The following MAMDC4 variants were observed in gnomAD, a reference collection of about 807,000 sequenced individuals.
MAMDC4 encodes MAM domain containing 4.
Under a neutral mutation model 153.3 loss-of-function variants are expected in MAMDC4, and 168 were observed. That is an observed-to-expected ratio of 1.10 (90% CI 0.97 to 1.25). The LOEUF (loss-of-function observed/expected upper bound fraction) is 1.25, where lower values mean the gene tolerates loss of function less well. Among genes scored for constraint, MAMDC4 ranks in the 50% most tolerant of loss-of-function variants. MAMDC4 has a pLI of 0.00. For synonymous variants in MAMDC4, 744 were observed against 651.5 expected (o/e 1.14, Z -2.16); for missense variants, 1,701 against 1,542.8 (o/e 1.10, Z -1.72).
In MAMDC4 at chr9:136,854,252, A is replaced by G; in HGVS notation, c.712A>G (p.Asn238Asp). Residue 238 changes from asparagine to aspartate, a missense_variant, in exon 7 of 27, where the codon AAC (asparagine) becomes GAC (aspartate). Coordinates refer to ENST00000317446, the MANE Select transcript of MAMDC4 (RefSeq NM_206920.3). ...NCPPGHHHCQNKVCVEPQQLC... is the reference protein window; with the variant it reads ...NCPPGHHHCQDKVCVEPQQLC... ...TCCCCCGGGACACCACCACTGCCAG[A>G]ACAAGGTCTGCGTGGAGCCCCAGCA... The G allele has an allele frequency of 6.2e-7, 1 of 1,611,848 alleles. No individual in the cohort carries two copies. Among genetic ancestry groups the G allele is most frequent in the Non-Finnish European group, 8.5e-7 (1 of 1,179,636 alleles).
chr9:136,856,173 C>T, intron 14 of MAMDC4, 24 bp downstream of exon 14: 6 of 1,611,544 alleles, frequency 3.7e-6, no homozygotes, highest in Non-Finnish European at 5.1e-6. Context: ...CCGCAAGTTC[C>T]CTGGCCAGCC....
chr9:136,857,034 CCA>C lies in MAMDC4; in HGVS notation c.1966_1967del (p.Gln656AspfsTer76). The C allele has an allele frequency of 6.2e-7, 1 of 1,611,038 alleles. No individual in the cohort carries two copies. The highest frequency in any genetic ancestry group is 8.5e-7 in the Non-Finnish European group (1 of 1,178,836). Reference sequence around the variant, plus strand: ...GCTTCTGGTACCACCTCCATGGGCCCCAGATTGGTGAGTGGACCTGGAAACAG... The same window carrying C: ...GCTTCTGGTACCACCTCCATGGGCCCGATTGGTGAGTGGACCTGGAAACAG... ...LSFWYHLHGPQIGTLRLAMRR... is the reference protein window; with the variant it reads ...LSFWYHLHGPXIGTLRLAMRR... On this transcript the variant is annotated frameshift_variant, in exon 16 of 27. Transcript: ENST00000317446. LOFTEE classifies it high-confidence loss of function.
chr9:136,853,398 G>A lies in MAMDC4; in HGVS notation c.268G>A (p.Ala90Thr). Residue 90 changes from alanine (A) to threonine (T), a missense_variant, in exon 3 of 27, where the codon GCA becomes ACA. Physicochemically the swap from Ala to Thr is moderately conservative, Grantham distance 58. Coordinates refer to ENST00000317446, the MANE Select transcript of MAMDC4 (RefSeq NM_206920.3). Reference protein sequence around the residue: ...TSGYSWLRDRAGAALEGPGPH... With the variant: ...TSGYSWLRDRTGAALEGPGPH... ...AGGCTACAGCTGGCTCCGAGACAGGGCAGGGGCCGCACTGGAGGGTCCTGG... is the reference window on the plus strand; with the variant it reads ...AGGCTACAGCTGGCTCCGAGACAGGACAGGGGCCGCACTGGAGGGTCCTGG... 1.9e-6 allele frequency: 3 copies of A among 1,605,080 alleles called. No homozygotes were observed. Among genetic ancestry groups the A allele is most frequent in the Non-Finnish European group, 2.6e-6 (3 of 1,174,128 alleles).
chr9:136,854,460 AG>A, intron 7 of MAMDC4, 78 bp from the exon 8 acceptor site: 2 of 1,528,338 alleles, frequency 1.3e-6, no homozygotes, highest in Non-Finnish European at 1.8e-6. Context: ...TGTGGTTGCC[AG>A]GGCCCCCCTG....
rs752104423 is a variant in MAMDC4 at position 136,857,405 on chromosome 9, C to T, written c.2145C>T (p.Thr715=). The T allele has an allele frequency of 6.2e-7, 1 of 1,608,268 alleles. No individual in the cohort carries two copies. The highest frequency in any genetic ancestry group is 2.2e-5 in the East Asian group (1 of 44,872). ...FEGLRDGYHG[T]MALDDVAVRP... is the part of the protein sequence containing the mutation. ...GCCTCCGGGACGGATACCACGGCAC[C>T]ATGGCGCTGGACGATGTGGCCGTGC... Residue 715 remains threonine, a synonymous_variant, in exon 18 of 27, where the codon ACC becomes ACT. Transcript: ENST00000317446.
In MAMDC4 at chr9:136,853,117, G is replaced by C. The variant is rs1446341739; in HGVS notation, c.62G>C (p.Trp21Ser). 4 of 1,612,472 alleles carry C rather than the reference G, an allele frequency of 2.5e-6. No individual in the cohort carries two copies. The South Asian group carries it at 4.4e-5, about 18-fold the overall frequency. The change falls in exon 2 of 27, where the codon TGG becomes TCG. Residue 21 changes from tryptophan to serine, a missense_variant. Trp to Ser is a radical substitution (Grantham distance 177). Transcript: ENST00000317446. ...LVLFLAGSSG[W>S]AWVPNHCRSP... ...CTCCCAGCAGCAGGGTCCTCAGGCT[G>C]GGCCTGGGTCCCCAACCACTGCAGG...
At chr9:136,857,629 G>A in intron 18 of MAMDC4, 30 bp from the exon 19 acceptor site, 1 of 1,611,972 alleles carries the variant, frequency 6.2e-7, no homozygotes, top group Non-Finnish European at 8.5e-7. Flanking sequence ...GGCTGGCCAG[G>A]GGCTGGCAGG....
rs185932750 is a variant in MAMDC4, at chr9:136,855,043, G to A, written c.1130G>A (p.Arg377His). ...CGGGCCCCCGTCCTGCTGCGGAGGC[G>A]CCGAGGGGAGCTGGGGACCGCCTGG... ...APRAPVLLRR[R>H]RGELGTAWVR... Residue 377 changes from arginine to histidine, a missense_variant, in exon 10 of 27, where the codon CGC becomes CAC. Arg to His is a conservative substitution (Grantham distance 29, BLOSUM62 0). Coordinates refer to ENST00000317446, the MANE Select transcript of MAMDC4 (RefSeq NM_206920.3). 3.5e-4 allele frequency: 563 copies of A among 1,606,726 alleles called. 6 individuals carry two copies. The East Asian group carries it at 0.011, about 31-fold the overall frequency.
intron 22 of MAMDC4, 86 bp downstream of exon 22, chr9:136,858,632 G>C: frequency 6.3e-7 from 1 of 1,595,086 alleles, no homozygotes. Context: ...GCCCCATCCA[G>C]AGGAGGCCCT....
At position 136,853,390 on chromosome 9, in the gene MAMDC4, G is replaced by C. The variant is rs780100454; in HGVS notation, c.260G>C (p.Arg87Pro). ...AGTACCTCAGGCTACAGCTGGCTCC[G>C]AGACAGGGCAGGGGCCGCACTGGAG... ...DISTSGYSWL[R>P]DRAGAALEGP... Residue 87 changes from arginine (R) to proline (P), a missense_variant, in exon 3 of 27, where the codon CGA becomes CCA. Physicochemically the swap from Arg to Pro is moderately radical, Grantham distance 103. Transcript: ENST00000317446. The C allele has an allele frequency of 8.7e-6, 14 of 1,605,702 alleles. No homozygotes were observed. Among genetic ancestry groups the C allele is most frequent in the Non-Finnish European group, 1.0e-5 (12 of 1,174,624 alleles).
intron 19 of MAMDC4, 51 bp from the exon 20 acceptor site, chr9:136,857,928 G>A: frequency 1.4e-6 from 2 of 1,471,060 alleles, no homozygotes; most frequent in Non-Finnish European, 1.8e-6. Context: ...TCAGACCAGG[G>A]CCTGCAGGTG....
chr9:136,856,032 C>T lies in MAMDC4; in HGVS notation c.1603C>T (p.Leu535=), dbSNP rs62583068. The T allele has an allele frequency of 2.5e-6, 4 of 1,611,430 alleles. No individual in the cohort carries two copies. Among genetic ancestry groups the T allele is most frequent in the Non-Finnish European group, 3.4e-6 (4 of 1,179,436 alleles). ...SAAAAGHFLS[L]QRAWGQLGAE... Reference sequence around the variant, plus strand: ...TCTTCCCCTAGGGCACTTCCTGTCTCTGCAGCGGGCCTGGGGGCAGCTAGG... The same window carrying T: ...TCTTCCCCTAGGGCACTTCCTGTCTTTGCAGCGGGCCTGGGGGCAGCTAGG... The change falls in exon 14 of 27, where the codon CTG becomes TTG. Residue 535 remains leucine (L), a synonymous_variant. Coordinates refer to ENST00000317446, the MANE Select transcript of MAMDC4 (RefSeq NM_206920.3).
chr9:136,856,702 A>AC lies in MAMDC4; in HGVS notation c.1721-3dup. On this transcript the variant is annotated splice_polypyrimidine_tract_variant and splice_region_variant and intron_variant, in intron 14 of 26. Transcript: ENST00000317446. Reference sequence around the variant, plus strand: ...AAGGTGTGTGACGCCACCTGGCCCCACCCCCAGAGGTCTCCTGTAACTTTG... The same window carrying AC: ...AAGGTGTGTGACGCCACCTGGCCCCACCCCCCAGAGGTCTCCTGTAACTTTG... 6.2e-7 allele frequency: 1 copy of AC among 1,611,948 alleles called. No individual in the cohort carries two copies.
Position 136,857,543 on chromosome 9 carries a change from T to C in MAMDC4, c.2283T>C (p.Ala761=). Residue 761 remains alanine, a synonymous_variant, in exon 18 of 27, where the codon GCT becomes GCC. Transcript: ENST00000317446. ...GGCAGGCCAATGCCTCGGGCCATGC[T>C]GCCTGGGGCCCCCCAACAGACCATA... The part of the protein sequence containing the change: ...WRRQANASGH[A]AWGPPTDHTT... 6.2e-7 allele frequency: 1 copy of C among 1,611,846 alleles called. No homozygotes were observed. The highest frequency in any genetic ancestry group is 8.5e-7 in the Non-Finnish European group (1 of 1,179,934).
Position 136,854,762 on chromosome 9 carries a change from G to T in MAMDC4, c.935G>T (p.Gly312Val). The change falls in exon 9 of 27, where the codon GGC (glycine) becomes GTC (valine). Residue 312 changes from glycine (G) to valine (V), a missense_variant and splice_region_variant. Transcript: ENST00000317446. ...RRDHSRNSAQ[G>V]SFLVSVAEPG... ...GGCCCACTCCCGTCCTTTCCCGCAGGCTCCTTCCTGGTCTCCGTGGCCGAG... is the reference window on the plus strand; with the variant it reads ...GGCCCACTCCCGTCCTTTCCCGCAGTCTCCTTCCTGGTCTCCGTGGCCGAG... 6.2e-7 allele frequency: 1 copy of T among 1,612,740 alleles called. No individual in the cohort carries two copies. Among genetic ancestry groups the T allele is most frequent in the Non-Finnish European group, 8.5e-7 (1 of 1,179,870 alleles).
rs751857935 is a variant in MAMDC4 at position 136,853,802 on chromosome 9, G to A, written c.480G>A (p.Leu160=). 6.2e-7 allele frequency: 1 copy of A among 1,611,902 alleles called. No homozygotes were observed. Among genetic ancestry groups the A allele is most frequent in the Non-Finnish European group, 8.5e-7 (1 of 1,179,538 alleles). Residue 160 remains leucine, a synonymous_variant, in exon 5 of 27, where the codon CTG becomes CTA. Transcript: ENST00000317446. ...ATGTGGCTGAACTGCGGGTGGAGCTGACCCATGGCGCAGAGACCCTGACCC... is the reference window on the plus strand; with the variant it reads ...ATGTGGCTGAACTGCGGGTGGAGCTAACCCATGGCGCAGAGACCCTGACCC... ...SGDVAELRVE[L]THGAETLTLW... is the part of the protein sequence containing the mutation.
In MAMDC4 at chr9:136,855,257, C is replaced by T; in HGVS notation, c.1201C>T (p.Leu401Phe). Residue 401 changes from leucine to phenylalanine, a missense_variant, in exon 11 of 27, where the codon CTC (leucine) becomes TTC (phenylalanine). Coordinates refer to ENST00000317446, the MANE Select transcript of MAMDC4 (RefSeq NM_206920.3). ...CCCTGAGCCCCTCTGCCCTCAGATCCTCCTGGCCGGGCAGACAGGCCCGGG... is the reference window on the plus strand; with the variant it reads ...CCCTGAGCCCCTCTGCCCTCAGATCTTCCTGGCCGGGCAGACAGGCCCGGG... ...DIQSAYPFQI[L>F]LAGQTGPGGV... 1.3e-6 allele frequency: 2 copies of T among 1,593,914 alleles called. No homozygotes were observed. The highest frequency in any genetic ancestry group is 1.7e-6 in the Non-Finnish European group (2 of 1,170,050).
rs778310689 is a variant in MAMDC4 at position 136,853,662 on chromosome 9, C to T, written c.446C>T (p.Ala149Val). 3 of 1,611,610 alleles carry T rather than the reference C, an allele frequency of 1.9e-6. No individual in the cohort carries two copies. Among genetic ancestry groups the T allele is most frequent in the Non-Finnish European group, 2.5e-6 (3 of 1,179,488 alleles). Residue 149 changes from alanine (A) to valine (V), a missense_variant, in exon 4 of 27, where the codon GCC (alanine) becomes GTC (valine). Ala to Val is a moderately conservative substitution (Grantham distance 64). Coordinates refer to ENST00000317446, the MANE Select transcript of MAMDC4 (RefSeq NM_206920.3). ...AAGCTGAGGCTCTGGTACCACGCGGCCTCTGGAGGTGCACCCTGGACCCCC... is the reference window on the plus strand; with the variant it reads ...AAGCTGAGGCTCTGGTACCACGCGGTCTCTGGAGGTGCACCCTGGACCCCC... ...SCKLRLWYHA[A>V]SGDVAELRVE...
chr9:136,857,660 G>T lies in MAMDC4; in HGVS notation c.2328G>T (p.Gly776=). ...GCAGGCTGATGCTGGCACCTCCAGG[G>T]CACTACATGGTGGTGGACACAAGCC... is the stretch of plus-strand genomic sequence containing the variant. ...PTDHTTETAQ[G]HYMVVDTSPD... The change falls in exon 19 of 27, where the codon GGG becomes GGT. Residue 776 remains glycine (G), a splice_region_variant and synonymous_variant. Coordinates refer to ENST00000317446, the MANE Select transcript of MAMDC4 (RefSeq NM_206920.3). 1.2e-6 allele frequency: 2 copies of T among 1,612,586 alleles called. No homozygotes were observed. Among genetic ancestry groups the T allele is most frequent in the Admixed American group, 1.7e-5 (1 of 60,008 alleles).
Sources: gnomAD v4.1 joint callset for allele counts on GRCh38, gnomAD v4.1.1 for gene constraint, MANE v1.5 for transcripts, NCBI Gene and HGNC (gene_info 2026-07-23, HGNC 2026-07-21) for gene names.